SLC16A10: variants seen among roughly 807,000 people sequenced by gnomAD.
SLC16A10 encodes solute carrier family 16 member 10.
SLC16A10 carries 27 observed loss-of-function variants against 40.0 expected under a neutral mutation model. That is an observed-to-expected ratio of 0.67 (90% CI 0.50 to 0.93). The LOEUF is 0.93. Among genes scored for constraint, SLC16A10 ranks in the 40% least tolerant of loss-of-function variants. The probability of loss-of-function intolerance (pLI) is 0.00; values close to 1 mark genes in which losing one functional copy is unlikely to be tolerated. For synonymous variants in SLC16A10, 213 were observed against 249.8 expected (o/e 0.85, Z 1.39); for missense variants, 529 against 658.2 (o/e 0.80, Z 2.15).
Position 111,153,090 on chromosome 6 carries a change from G to A in SLC16A10, c.344-19605G>A, listed in dbSNP as rs574361923. On this transcript the variant is annotated intron_variant, in intron 1 of 5. Transcript: ENST00000368851. ...AGAGGGTGCTGAGAGCCAATAGGGTGGAACATGTTTGAAAGAGCTGGGTTC... is the reference window on the plus strand; with the variant it reads ...AGAGGGTGCTGAGAGCCAATAGGGTAGAACATGTTTGAAAGAGCTGGGTTC... Among the ~76,000 whole-genome samples the A allele has an allele frequency of 3.9e-5, 6 of 152,266 alleles. No individual in the cohort carries two copies. The East Asian group carries it at 1.2e-3, about 29-fold the overall frequency.
At chr6:111,172,933 C>T (rs1160964355) in intron 2 of SLC16A10, 94 bp downstream of exon 2, 9 of 1,456,056 alleles carry the variant, frequency 6.2e-6, no homozygotes, top group Admixed American at 2.1e-5. Context: ...AGCAAAGATC[C>T]TCCTTTTCAT....
chr6:111,210,824 C>A (rs1233455019), intron 4 of SLC16A10, among the ~76,000 whole-genome samples: 2 of 152,078 alleles, frequency 1.3e-5, no homozygotes, highest in Non-Finnish European at 2.9e-5. Flanking sequence ...ATCACGAGGT[C>A]AGGAGATCGA....
chr6:111,157,518 G>A (rs775863499), intron 1 of SLC16A10, among the ~76,000 whole-genome samples: 29 of 151,910 alleles, frequency 1.9e-4, no homozygotes, highest in Non-Finnish European at 3.4e-4. Context: ...TCCTGACCTC[G>A]TGATCCGCCT....
intron 3 of SLC16A10, among the ~76,000 whole-genome samples, chr6:111,205,413 T>G (rs1245186712): frequency 6.6e-6 from 1 of 152,150 alleles, no homozygotes; most frequent in Non-Finnish European, 1.5e-5. Flanking sequence ...AAACAAAATA[T>G]GCTCACTGGC....
At position 111,224,003 on chromosome 6, in the gene SLC16A10, TC is replaced by T. The variant is rs1770947783; in HGVS notation, c.*1770del. The T allele has an allele frequency of 6.6e-6, 1 of 152,158 alleles. No homozygotes were observed. Among genetic ancestry groups the T allele is most frequent in the African/African-American group, 2.4e-5 (1 of 41,418 alleles). 9.4% of individuals were successfully genotyped at this position (152,158 alleles called of 1,614,324 possible). A position where few individuals can be genotyped will look rare whatever the true frequency, so the allele number is the denominator to read the frequency against. On this transcript the variant is annotated 3_prime_UTR_variant, in exon 6 of 6. Transcript: ENST00000368851. ...GCCTGTAATCCTAGCACTTTGGTAG[TC>T]CAAGGCAGGGGGATCACTTGAGCCC...
intron 1 of SLC16A10, among the ~76,000 whole-genome samples, chr6:111,106,369 A>T (rs997255350): frequency 5.9e-5 from 9 of 152,174 alleles, no homozygotes; most frequent in Non-Finnish European, 1.3e-4. Context: ...TATATGTGGT[A>T]GTTATTTTTT....
At chr6:111,176,946 A>G (rs1334546631) in intron 2 of SLC16A10, among the ~76,000 whole-genome samples, 1 of 152,208 alleles carries the variant, frequency 6.6e-6, no homozygotes, top group African/African-American at 2.4e-5. Flanking sequence ...TGAAATCCAC[A>G]GAAAGAGGTG....
chr6:111,105,451 T>C (rs1189035272), intron 1 of SLC16A10, among the ~76,000 whole-genome samples: 1 of 152,210 alleles, frequency 6.6e-6, no homozygotes, highest in East Asian at 1.9e-4. Context: ...GGTGGAATAT[T>C]GCACAGTTTA....
intron 1 of SLC16A10, among the ~76,000 whole-genome samples, chr6:111,101,126 G>A (rs1188766575): frequency 6.6e-6 from 1 of 150,974 alleles, no homozygotes; most frequent in African/African-American, 2.4e-5. Context: ...GACCTCCTGG[G>A]CTCAAGTGAT....
chr6:111,159,655 C>A (rs1368973433), intron 1 of SLC16A10, among the ~76,000 whole-genome samples: 2 of 152,114 alleles, frequency 1.3e-5, no homozygotes, highest in Admixed American at 6.5e-5. Flanking sequence ...GGGCTGGGAA[C>A]CCCCTAGGAA....
intron 5 of SLC16A10, among the ~76,000 whole-genome samples, chr6:111,220,731 A>G (rs1770874433): frequency 6.6e-6 from 1 of 152,200 alleles, no homozygotes; most frequent in Non-Finnish European, 1.5e-5. Context: ...TCCACAGCAG[A>G]TTTTATATAA....
intron 4 of SLC16A10, among the ~76,000 whole-genome samples, chr6:111,208,702 A>G (rs1408835706): frequency 6.6e-6 from 1 of 152,184 alleles, no homozygotes. Context: ...AGTGTCCAGA[A>G]TAGGAATCTC....
At chr6:111,098,075 G>A (rs1445947364) in intron 1 of SLC16A10, among the ~76,000 whole-genome samples, 3 of 152,150 alleles carry the variant, frequency 2.0e-5, no homozygotes, top group African/African-American at 7.2e-5. Context: ...GGGAGGCCGA[G>A]GTGGGCGGAT....
intron 3 of SLC16A10, among the ~76,000 whole-genome samples, chr6:111,193,954 G>A (rs1417642478): frequency 6.6e-6 from 1 of 152,190 alleles, no homozygotes; most frequent in East Asian, 1.9e-4. Context: ...GGAGTTTTGT[G>A]TGGGAAGTGT....
At chr6:111,099,896 A>G (rs2114437585) in intron 1 of SLC16A10, among the ~76,000 whole-genome samples, 1 of 151,818 alleles carries the variant, frequency 6.6e-6, no homozygotes, top group South Asian at 2.1e-4. Flanking sequence ...GGTGGCAGGC[A>G]CCTGTAGTCC....
chr6:111,218,840 G>T lies in SLC16A10; in HGVS notation c.1113G>T (p.Leu371=). 6.2e-7 allele frequency: 1 copy of T among 1,614,146 alleles called. No homozygotes were observed. The highest frequency in any genetic ancestry group is 8.5e-7 in the Non-Finnish European group (1 of 1,180,018). ...TACTCTCCTTTTTCTTCATTGGTCT[G>T]ATGTCCATGATGATTCCTCTGTGTA... ...LQVLSFFFIG[L]MSMMIPLCSI... The change falls in exon 5 of 6, where the codon CTG becomes CTT. Residue 371 remains leucine (L), a synonymous_variant. Transcript: ENST00000368851.
chr6:111,214,135 T>G (rs1458700805), intron 4 of SLC16A10, among the ~76,000 whole-genome samples: 1 of 152,234 alleles, frequency 6.6e-6, no homozygotes, highest in Non-Finnish European at 1.5e-5. Context: ...TCATAGAAGG[T>G]TAATACTTCT....
chr6:111,212,226 T>A (rs924239511), intron 4 of SLC16A10, among the ~76,000 whole-genome samples: 2 of 152,166 alleles, frequency 1.3e-5, no homozygotes, highest in African/African-American at 4.8e-5. Flanking sequence ...GTGGTGAGGA[T>A]TCTTGGTGGC....
Position 111,218,863 on chromosome 6 carries a change from G to A in SLC16A10, c.1136G>A (p.Cys379Tyr). 6.2e-7 allele frequency: 1 copy of A among 1,614,142 alleles called. No individual in the cohort carries two copies. Among genetic ancestry groups the A allele is most frequent in the South Asian group, 1.1e-5 (1 of 91,080 alleles). ...CTGATGTCCATGATGATTCCTCTGT[G>A]TAGCATCTTTGGGGCCCTCATTGCT... is the stretch of plus-strand genomic sequence containing the variant. Reference protein sequence around the residue: ...IGLMSMMIPLCSIFGALIAVC... With the variant: ...IGLMSMMIPLYSIFGALIAVC... The change falls in exon 5 of 6, where the codon TGT (cysteine) becomes TAT (tyrosine). Residue 379 changes from cysteine (C) to tyrosine (Y), a missense_variant. Coordinates refer to ENST00000368851, the MANE Select transcript of SLC16A10 (RefSeq NM_018593.5).
Sources: gnomAD v4.1 joint callset for allele counts (sites outside exome capture counted in the v4.1 genomes callset) on GRCh38, gnomAD v4.1.1 for gene constraint, MANE v1.5 for transcripts, NCBI Gene and HGNC (gene_info 2026-07-23, HGNC 2026-07-21) for gene names.